The following SLC16A7 variants were observed in gnomAD, a reference collection of about 807,000 sequenced individuals.
SLC16A7 encodes the protein solute carrier family 16 member 7.
Under a neutral mutation model 34.9 loss-of-function variants are expected in SLC16A7, and 33 were observed. The observed-to-expected ratio is 0.94, with a 90% CI of 0.72 to 1.26. SLC16A7 has a LOEUF of 1.26. Ranked by LOEUF, SLC16A7 falls within the 50% of genes most tolerant of loss-of-function variation. The pLI is 0.00. For synonymous variants in SLC16A7, 201 were observed against 206.6 expected, an observed-to-expected ratio of 0.97 and a Z score of 0.23; for missense variants, 573 against 578.1, an observed-to-expected ratio of 0.99 and a Z score of 0.09.
rs570773710 is a variant in SLC16A7 at position 59,753,069 on chromosome 12, AC to A, written c.218-18148del. 7.0e-3 allele frequency among the ~76,000 whole-genome samples: 1,067 copies of A among 152,316 alleles called. 6 individuals carry two copies. Among genetic ancestry groups the A allele is most frequent in the African/African-American group, 0.025 (1,037 of 41,562 alleles). The stretch of plus-strand genomic sequence containing the variant: ...CAAGCAAATGCTGAGAGATTTTGTC[AC>A]CACAAGGCCTGCCCTAAAAGACCTC... On this transcript the variant is annotated intron_variant, in intron 3 of 5. Coordinates refer to ENST00000547379, the MANE Select transcript of SLC16A7 (RefSeq NM_001270623.2).
intron 1 of SLC16A7, among the ~76,000 whole-genome samples, chr12:59,598,952 A>G (rs1447150445): frequency 6.6e-6 from 1 of 152,210 alleles, no homozygotes; most frequent in Non-Finnish European, 1.5e-5. Context: ...CCATATCCAT[A>G]TTTACAGAAA....
intron 1 of SLC16A7, among the ~76,000 whole-genome samples, chr12:59,600,152 T>C (rs1878616889): frequency 6.6e-6 from 1 of 152,262 alleles, no homozygotes; most frequent in African/African-American, 2.4e-5. Flanking sequence ...ATCTGTGAAA[T>C]AGCACTGTGC....
At chr12:59,740,000 T>C (rs1215331521) in intron 3 of SLC16A7, among the ~76,000 whole-genome samples, 1 of 151,906 alleles carries the variant, frequency 6.6e-6, no homozygotes, top group Non-Finnish European at 1.5e-5. Flanking sequence ...AGGTTGCCTG[T>C]TCACTCTGAT....
At chr12:59,720,169 A>G (rs1017004851) in intron 3 of SLC16A7, 7 of 676,172 alleles carry the variant, frequency 1.0e-5, no homozygotes. Flanking sequence ...TGGAAAGATA[A>G]TAAATTTGTT....
At chr12:59,597,058 C>G (rs1878444137) in intron 1 of SLC16A7, 1 of 152,356 alleles carries the variant, frequency 6.6e-6, no homozygotes, top group Admixed American at 6.5e-5. Context: ...CCTGTTTTCT[C>G]AGCGGATGCT....
intron 3 of SLC16A7, among the ~76,000 whole-genome samples, chr12:59,724,857 A>G (rs1162025258): frequency 6.6e-6 from 1 of 152,034 alleles, no homozygotes; most frequent in African/African-American, 2.4e-5. Flanking sequence ...GATGACATTA[A>G]AAGCAAGTCT....
At chr12:59,721,909 T>A (rs901221474) in intron 3 of SLC16A7, among the ~76,000 whole-genome samples, 2 of 152,000 alleles carry the variant, frequency 1.3e-5, no homozygotes, top group African/African-American at 2.4e-5. Context: ...AGTATCTATT[T>A]TTGGTTCTTC....
In SLC16A7 at chr12:59,720,051, A is replaced by G. The variant is rs551831188; in HGVS notation, c.217+15033A>G. The G allele has an allele frequency of 5.3e-5, 37 of 698,644 alleles. 1 individual carries two copies. Among genetic ancestry groups the G allele is most frequent in the South Asian group, 5.1e-4 (34 of 66,934 alleles). 43.3% of individuals were successfully genotyped at this position (698,644 alleles called of 1,614,324 possible). A position where few individuals can be genotyped will look rare whatever the true frequency, so the allele number is the denominator to read the frequency against. The stretch of plus-strand genomic sequence containing the variant: ...TTTTCTGGAATAGGAATGCCTCATG[A>G]CTATACCTTTCTTTTCTAATTCTTC... On this transcript the variant is annotated intron_variant, in intron 3 of 5. Coordinates refer to ENST00000547379, the MANE Select transcript of SLC16A7 (RefSeq NM_001270623.2).
At chr12:59,653,626 A>C (rs540925786) in intron 1 of SLC16A7, among the ~76,000 whole-genome samples, 82 of 151,642 alleles carry the variant, frequency 5.4e-4, no homozygotes, top group Non-Finnish European at 1.0e-3. Context: ...TTATTGTTTT[A>C]AGGAGGTATT....
intron 2 of SLC16A7, among the ~76,000 whole-genome samples, chr12:59,694,807 T>C (rs777187305): frequency 3.9e-5 from 6 of 152,016 alleles, no homozygotes; most frequent in Non-Finnish European, 7.4e-5. Context: ...ATTGTATAAA[T>C]ATATCTGCAT....
chr12:59,748,244 T>G (rs188178484), intron 3 of SLC16A7, among the ~76,000 whole-genome samples: 1 of 152,304 alleles, frequency 6.6e-6, no homozygotes, highest in Non-Finnish European at 1.5e-5. Flanking sequence ...TCAGAACTTA[T>G]GCACAGGAAC....
intron 4 of SLC16A7, among the ~76,000 whole-genome samples, chr12:59,773,665 A>G (rs1796515618): frequency 1.3e-5 from 2 of 151,932 alleles, no homozygotes; most frequent in South Asian, 4.2e-4. Context: ...CCTCAGTCCA[A>G]GCGATTCTCT....
rs546193670 is a variant in SLC16A7, at chr12:59,696,133, A to C, written c.-30-8639A>C. On this transcript the variant is annotated intron_variant, in intron 2 of 5. Coordinates refer to ENST00000547379, the MANE Select transcript of SLC16A7 (RefSeq NM_001270623.2). Reference sequence around the variant, plus strand: ...CAATAAGAATTTTCTTTCTTATAATAATAGGCTTGTAATCTACTGTTTTTT... The same window carrying C: ...CAATAAGAATTTTCTTTCTTATAATCATAGGCTTGTAATCTACTGTTTTTT... Among the ~76,000 whole-genome samples, 214 of 152,068 alleles carry C rather than the reference A, an allele frequency of 1.4e-3. 1 individual carries two copies. The highest frequency in any genetic ancestry group is 6.8e-3 in the Middle Eastern group (2 of 294).
At chr12:59,706,166 C>A (rs910840318) in intron 3 of SLC16A7, among the ~76,000 whole-genome samples, 3 of 152,156 alleles carry the variant, frequency 2.0e-5, no homozygotes, top group Non-Finnish European at 2.9e-5. Flanking sequence ...ATAACTTTCT[C>A]TTTACATCTA....
rs545222277 is a variant in SLC16A7, at chr12:59,671,704, A to G, written c.-31+16454A>G. 2.6e-3 allele frequency among the ~76,000 whole-genome samples: 377 copies of G among 146,598 alleles called. 5 individuals are homozygous for G. The highest frequency in any genetic ancestry group is 0.014 in the Middle Eastern group (4 of 280). On this transcript the variant is annotated intron_variant, in intron 2 of 5. Coordinates refer to ENST00000547379, the MANE Select transcript of SLC16A7 (RefSeq NM_001270623.2). ...TATATATATATATGTGTGTGTGTGT[A>G]TATATATATGTGTATATATATGTGT...
chr12:59,622,013 C>A (rs757914575), intron 1 of SLC16A7, among the ~76,000 whole-genome samples: 8 of 151,760 alleles, frequency 5.3e-5, no homozygotes, highest in Non-Finnish European at 1.0e-4. Context: ...AAAATTAATG[C>A]CTTAGTTACT....
At position 59,767,490 on chromosome 12, in the gene SLC16A7, G is replaced by A. The variant is rs532679500; in HGVS notation, c.218-3729G>A. ...GGCCCAATGAAGCTGGTGACTTTAA[G>A]TTGAAGCAAAGCTCATTTACTATTC... is the stretch of plus-strand genomic sequence containing the variant. On this transcript the variant is annotated intron_variant, in intron 3 of 5. Transcript: ENST00000547379. 2.6e-5 allele frequency among the ~76,000 whole-genome samples: 4 copies of A among 152,164 alleles called. No individual in the cohort carries two copies. In the South Asian group the frequency reaches 8.3e-4, roughly 32 times the overall value.
intron 3 of SLC16A7, among the ~76,000 whole-genome samples, chr12:59,753,567 A>G (rs1879881629): frequency 6.6e-6 from 1 of 152,066 alleles, no homozygotes; most frequent in Admixed American, 6.6e-5. Flanking sequence ...TATCCTAAAT[A>G]TATATGCACC....
At chr12:59,651,866 TA>T (rs1343194063) in intron 1 of SLC16A7, among the ~76,000 whole-genome samples, 6 of 152,160 alleles carry the variant, frequency 3.9e-5, no homozygotes, top group Non-Finnish European at 7.3e-5. Flanking sequence ...AAAAAAGATT[TA>T]AAAGAAGATA....
Sources: allele counts gnomAD v4.1 joint callset (sites outside exome capture counted in the v4.1 genomes callset), GRCh38; gene constraint gnomAD v4.1.1; transcripts MANE v1.5; gene names NCBI Gene and HGNC (gene_info 2026-07-23, HGNC 2026-07-21).